Variants in PTGES observed in about 807,000 individuals in gnomAD.
PTGES encodes MGST1-like 1.
A neutral mutation model predicts 11.8 loss-of-function variants in PTGES; 3 were observed. The observed-to-expected ratio is 0.25, with a 90% CI of 0.12 to 0.66. The LOEUF (loss-of-function observed/expected upper bound fraction) is 0.66. Among genes scored for constraint, PTGES ranks in the 30% least tolerant of loss-of-function variants. The pLI, the probability that PTGES is intolerant of heterozygous loss-of-function variation, is 0.82. For synonymous variants in PTGES, 94 were observed against 90.4 expected (o/e 1.04, Z -0.22); for missense variants, 180 against 213.0 (o/e 0.85, Z 0.96).
In PTGES at chr9:129,739,884, T is replaced by C; in HGVS notation, c.210-24A>G. On this transcript the variant is annotated intron_variant, in intron 2 of 2. Coordinates refer to ENST00000340607, the MANE Select transcript of PTGES (RefSeq NM_004878.5). This position sits in a 1 kb window ranked among gnomAD's most constrained non-coding sequence, Gnocchi z 5.7. ...CCCTGGGGAGACAAGAGGGGTGCGG[T>C]CAGCCAGGTATTAGCTTTGGGGCCA... 6.4e-7 allele frequency: 1 copy of C among 1,556,868 alleles called. No individual in the cohort carries two copies. The highest frequency in any genetic ancestry group is 8.7e-7 in the Non-Finnish European group (1 of 1,149,274).
intron 2 of PTGES, among the ~76,000 whole-genome samples, chr9:129,740,464 C>T (rs1486417992): frequency 2.6e-5 from 4 of 152,134 alleles, no homozygotes; most frequent in African/African-American, 4.8e-5. Context: ...ATCTAACTAC[C>T]ACCTGTCCTT....
In PTGES at chr9:129,739,605, T is replaced by A; in HGVS notation, c.*6A>T. 6.5e-7 allele frequency: 1 copy of A among 1,549,486 alleles called. No individual in the cohort carries two copies. Among genetic ancestry groups the A allele is most frequent in the Non-Finnish European group, 8.7e-7 (1 of 1,146,372 alleles). On this transcript the variant is annotated 3_prime_UTR_variant, in exon 3 of 3. Coordinates refer to ENST00000340607, the MANE Select transcript of PTGES (RefSeq NM_004878.5). The surrounding 1 kb of genome is among the most constrained non-coding windows in gnomAD (Gnocchi z 5.7). The stretch of plus-strand genomic sequence containing the variant: ...GTCTGGTGGCCAAGGAGGCATCAGC[T>A]GCTGGTCACAGGTGGCGGGCCGCTT...
chr9:129,741,975 G>T (rs1832998624), intron 2 of PTGES, among the ~76,000 whole-genome samples: 1 of 151,984 alleles, frequency 6.6e-6, no homozygotes, highest in Non-Finnish European at 1.5e-5. Context: ...TGTCAAGTAA[G>T]TCCCTTACCA....
At chr9:129,746,360 A>C (rs562145593) in intron 2 of PTGES, among the ~76,000 whole-genome samples, 1 of 152,298 alleles carries the variant, frequency 6.6e-6, no homozygotes, top group African/African-American at 2.4e-5. Flanking sequence ...AGAGTCACCA[A>C]TGGAAGTCAT....
chr9:129,746,807 G>A (rs1262033559), intron 2 of PTGES, among the ~76,000 whole-genome samples: 1 of 152,180 alleles, frequency 6.6e-6, no homozygotes, highest in Non-Finnish European at 1.5e-5. Context: ...CAGCTAACTG[G>A]TAAAAGATGG....
intron 2 of PTGES, among the ~76,000 whole-genome samples, chr9:129,740,333 C>T (rs1328685681): frequency 6.6e-6 from 1 of 152,194 alleles, no homozygotes; most frequent in African/African-American, 2.4e-5. Context: ...TTCTCTGAGT[C>T]AGGCCTGAGG....
Position 129,750,288 on chromosome 9 carries a change from CCCCCA to C in PTGES, c.127-1556_127-1552del, listed in dbSNP as rs1833090240. ...TCCTGTGCTTCTGACTCATGACTGT[CCCCCA>C]AGGGCTGGTTTGTCCTCCCTGGTGG... On this transcript the variant is annotated intron_variant, in intron 1 of 2. Transcript: ENST00000340607. Among the ~76,000 whole-genome samples, 6 of 152,158 alleles carry C rather than the reference CCCCCA, an allele frequency of 3.9e-5. No individual in the cohort carries two copies. The South Asian group carries it at 1.2e-3, about 32-fold the overall frequency.
chr9:129,744,177 T>G (rs1197090839), intron 2 of PTGES, among the ~76,000 whole-genome samples: 1 of 152,032 alleles, frequency 6.6e-6, no homozygotes, highest in Non-Finnish European at 1.5e-5. Flanking sequence ...CAAGCCGCCA[T>G]CTCCTCCATC....
chr9:129,750,149 A>G (rs1833089285), intron 1 of PTGES, among the ~76,000 whole-genome samples: 1 of 152,212 alleles, frequency 6.6e-6, no homozygotes, highest in South Asian at 2.1e-4. Context: ...TCAGAGGCCC[A>G]TGACTCTTGC....
intron 2 of PTGES, among the ~76,000 whole-genome samples, chr9:129,746,963 A>G (rs1428124285): frequency 6.6e-6 from 1 of 152,202 alleles, no homozygotes; most frequent in African/African-American, 2.4e-5. Flanking sequence ...CCCAAGCTGG[A>G]GCGCAGTGGC....
intron 2 of PTGES, among the ~76,000 whole-genome samples, chr9:129,747,383 CCTTT>C (rs2130953454): frequency 6.6e-6 from 1 of 152,194 alleles, no homozygotes; most frequent in South Asian, 2.1e-4. Context: ...GAGTGGTTTT[CCTTT>C]CTGTCTCTGT....
At chr9:129,742,328 C>CAAAAAAAAAAAAAAAAA (rs1194614585) in intron 2 of PTGES, among the ~76,000 whole-genome samples, 1 of 51,114 alleles carries the variant, frequency 2.0e-5, no homozygotes, top group Non-Finnish European at 4.3e-5. Context: ...GACTCTGTCT[C>CAAAAAAAAAAAAAAAAA]AAAAAAAAAA....
chr9:129,740,151 G>A (rs4147585), intron 2 of PTGES, among the ~76,000 whole-genome samples: 8 of 151,974 alleles, frequency 5.3e-5, no homozygotes, highest in East Asian at 3.9e-4. Context: ...ATGGCTTGCC[G>A]GGACCCCACT....
At chr9:129,742,273 C>A (rs553209795) in intron 2 of PTGES, among the ~76,000 whole-genome samples, 144 of 140,122 alleles carry the variant, frequency 1.0e-3, no homozygotes, top group Non-Finnish European at 1.8e-3. Context: ...TGCAGTGAGC[C>A]AAGATCGTGT....
At chr9:129,740,529 A>G (rs1832985349) in intron 2 of PTGES, among the ~76,000 whole-genome samples, 1 of 152,208 alleles carries the variant, frequency 6.6e-6, no homozygotes, top group South Asian at 2.1e-4. Context: ...ACCGATGGCC[A>G]GCCCCCGGTG....
At chr9:129,751,858 C>T (rs1833113644) in intron 1 of PTGES, among the ~76,000 whole-genome samples, 1 of 152,196 alleles carries the variant, frequency 6.6e-6, no homozygotes, top group South Asian at 2.1e-4. Context: ...TCATGCTCAG[C>T]TCCGGGCCAC....
At chr9:129,743,906 T>G (rs1833024938) in intron 2 of PTGES, among the ~76,000 whole-genome samples, 3 of 152,146 alleles carry the variant, frequency 2.0e-5, no homozygotes, top group Admixed American at 2.0e-4. Flanking sequence ...TGGAGTGCAG[T>G]GGCGTGATCT....
At chr9:129,751,975 A>AGTGTGCT (rs1469413199) in intron 1 of PTGES, among the ~76,000 whole-genome samples, 1 of 152,212 alleles carries the variant, frequency 6.6e-6, no homozygotes, top group African/African-American at 2.4e-5. Flanking sequence ...AGAAGCTATC[A>AGTGTGCT]GTGTGCTGTA....
chr9:129,739,962 G>A lies in PTGES; in HGVS notation c.210-102C>T. On this transcript the variant is annotated intron_variant, in intron 2 of 2. Coordinates refer to ENST00000340607, the MANE Select transcript of PTGES (RefSeq NM_004878.5). This position sits in a 1 kb window ranked among gnomAD's most constrained non-coding sequence, Gnocchi z 5.7. ...CTGGGGGTGCTTTGACCCACTGGGG[G>A]TCATTTCAGGCATATCACACACTCA... is the stretch of plus-strand genomic sequence containing the variant. 1 of 1,367,168 alleles carries A rather than the reference G, an allele frequency of 7.3e-7. No homozygotes were observed. Among genetic ancestry groups the A allele is most frequent in the Non-Finnish European group, 9.9e-7 (1 of 1,012,998 alleles). The allele number at this position is 1,367,168 out of a possible 1,614,324, so 84.7% of individuals were successfully genotyped here. A position where few individuals can be genotyped will look rare whatever the true frequency, so the allele number is the denominator to read the frequency against.
Sources: allele counts gnomAD v4.1 joint callset (sites outside exome capture counted in the v4.1 genomes callset), GRCh38; gene constraint gnomAD v4.1.1; non-coding constraint Gnocchi (gnomAD v3.1); transcripts MANE v1.5; gene names NCBI Gene and HGNC (gene_info 2026-07-23, HGNC 2026-07-21).